Variants in ADORA2B observed in about 807,000 individuals in gnomAD.
The protein encoded by ADORA2B is adenosine A2b receptor.
Under a neutral mutation model 20.8 loss-of-function variants are expected in ADORA2B, and 18 were observed. That is an observed-to-expected ratio of 0.87 (90% CI 0.60 to 1.29). The LOEUF (loss-of-function observed/expected upper bound fraction) is 1.29, where lower values mean the gene tolerates loss of function less well. Among genes scored for constraint, ADORA2B ranks in the 50% most tolerant of loss-of-function variants. The probability of loss-of-function intolerance (pLI) is 0.00; values close to 1 mark genes in which losing one functional copy is unlikely to be tolerated. For missense variants in ADORA2B, 441 were observed against 422.7 expected (o/e 1.04, Z -0.38); for synonymous variants, 179 against 178.3 (o/e 1.00, Z -0.03).
chr17:15,941,412 C>A (rs1027912454), upstream of ADORA2B, among the ~76,000 whole-genome samples: 3 of 152,310 alleles, frequency 2.0e-5, no homozygotes, highest in Non-Finnish European at 2.9e-5. Flanking sequence ...CTGGGCTCTG[C>A]TCCCTGCACA....
chr17:15,889,833 G>A, the ADORA2B span, among the ~76,000 whole-genome samples: 1 of 129,776 alleles, frequency 7.7e-6, no homozygotes, highest in Non-Finnish European at 1.6e-5. Context: ...GGGAGGTAGA[G>A]GATGCAGTGA....
chr17:15,923,656 T>G, the ADORA2B span, among the ~76,000 whole-genome samples: 1 of 152,050 alleles, frequency 6.6e-6, no homozygotes, highest in Admixed American at 6.6e-5. Flanking sequence ...TCCACGCGCT[T>G]CGGCCTCCCA....
At chr17:15,971,628 CA>C (rs1212775586) in intron 1 of ADORA2B, among the ~76,000 whole-genome samples, 6 of 123,110 alleles carry the variant, frequency 4.9e-5, no homozygotes, top group African/African-American at 1.9e-4. Context: ...TTGTAATGGC[CA>C]TTTTTTTTTT....
chr17:15,923,206 A>ATTTTTTTTTTTTT, the ADORA2B span, among the ~76,000 whole-genome samples: 321 of 113,344 alleles, frequency 2.8e-3, 1 homozygote, highest in Non-Finnish European at 3.3e-3. Flanking sequence ...TCTTTTTTTA[A>ATTTTTTTTTTTTT]TTTTTTTTTT....
At chr17:15,913,722 T>C in the ADORA2B span, among the ~76,000 whole-genome samples, 2 of 152,234 alleles carry the variant, frequency 1.3e-5, no homozygotes, top group Non-Finnish European at 2.9e-5. Flanking sequence ...ATAAAAAAAT[T>C]TGGCCTGGAC....
the ADORA2B span, among the ~76,000 whole-genome samples, chr17:15,911,586 A>C: frequency 2.6e-4 from 40 of 152,194 alleles, no homozygotes; most frequent in Non-Finnish European, 3.8e-4. Context: ...TGATTACTTT[A>C]GCCAAACTCA....
Position 15,975,027 on chromosome 17 carries a change from G to A in ADORA2B, c.684G>A (p.Arg228=), listed in dbSNP as rs773357119. ...ACCACTCGAGGACCACCCTCCAGCG[G>A]GAGATCCATGCAGCCAAGTCACTGG... ...LMDHSRTTLQ[R]EIHAAKSLAM... The change falls in exon 2 of 2, where the codon CGG becomes CGA. Residue 228 remains arginine (R), a synonymous_variant. Coordinates refer to ENST00000304222, the MANE Select transcript of ADORA2B (RefSeq NM_000676.4). 2 of 1,614,166 alleles carry A rather than the reference G, an allele frequency of 1.2e-6. No individual in the cohort carries two copies. Among genetic ancestry groups the A allele is most frequent in the Non-Finnish European group, 1.7e-6 (2 of 1,180,040 alleles).
rs2151590242 is a variant in ADORA2B at position 15,945,223 on chromosome 17, G to A, written c.-26G>A. On this transcript the variant is annotated 5_prime_UTR_variant, in exon 1 of 2. Transcript: ENST00000304222. ...TCGCCCGGCGCGCCTTCGGTAGGGG[G>A]CGCCCGGGGCCCAGCTGGCCCGGCC... 4 of 1,385,006 alleles carry A rather than the reference G, an allele frequency of 2.9e-6. No individual in the cohort carries two copies. Among genetic ancestry groups the A allele is most frequent in the East Asian group, 5.9e-5 (2 of 33,680 alleles). 85.8% of individuals were successfully genotyped at this position (1,385,006 alleles called of 1,614,324 possible). A position where few individuals can be genotyped will look rare whatever the true frequency, so the allele number is the denominator to read the frequency against.
At chr17:15,952,541 G>C (rs915902428) in intron 1 of ADORA2B, among the ~76,000 whole-genome samples, 1 of 151,776 alleles carries the variant, frequency 6.6e-6, no homozygotes, top group African/African-American at 2.4e-5. Context: ...TGCACACCCC[G>C]AGGTCACCCC....
At chr17:15,944,852 C>T (rs1298980390), upstream of ADORA2B, 1 of 156,466 alleles carries the variant, frequency 6.4e-6, no homozygotes, top group African/African-American at 2.4e-5. This position sits in a 1 kb window ranked among gnomAD's most constrained non-coding sequence, Gnocchi z 4.8. Flanking sequence ...CCAGGAGTCG[C>T]CCGGACTGGA....
chr17:15,866,761 C>T, the ADORA2B span, among the ~76,000 whole-genome samples: 2 of 150,334 alleles, frequency 1.3e-5, no homozygotes, highest in Non-Finnish European at 2.9e-5. Context: ...GCCTCTCTTT[C>T]CACAGTCTCC....
At chr17:15,970,448 A>G (rs1232897545) in intron 1 of ADORA2B, among the ~76,000 whole-genome samples, 1 of 152,234 alleles carries the variant, frequency 6.6e-6, no homozygotes, top group East Asian at 1.9e-4. Flanking sequence ...ACCCCTATGA[A>G]TGAGCCTCTA....
the ADORA2B span, among the ~76,000 whole-genome samples, chr17:15,869,737 T>C: frequency 1.3e-5 from 2 of 152,200 alleles, no homozygotes; most frequent in Non-Finnish European, 2.9e-5. Context: ...CAGTTAGTTA[T>C]TCCTAAACTG....
chr17:15,927,070 G>A, the ADORA2B span, among the ~76,000 whole-genome samples: 1 of 152,190 alleles, frequency 6.6e-6, no homozygotes, highest in Non-Finnish European at 1.5e-5. Flanking sequence ...TAATAGGCTG[G>A]GCACGGTGAC....
chr17:15,912,666 C>T, the ADORA2B span, among the ~76,000 whole-genome samples: 1 of 152,218 alleles, frequency 6.6e-6, no homozygotes, highest in Non-Finnish European at 1.5e-5. Context: ...CAGCTGTCTT[C>T]AGCTGCTCAG....
At chr17:15,936,313 A>T in the ADORA2B span, among the ~76,000 whole-genome samples, 1 of 151,232 alleles carries the variant, frequency 6.6e-6, no homozygotes, top group Admixed American at 6.6e-5. Context: ...TTATTTATTT[A>T]TTTATTTTTA....
At chr17:15,933,475 C>T in the ADORA2B span, among the ~76,000 whole-genome samples, 5 of 152,106 alleles carry the variant, frequency 3.3e-5, no homozygotes, top group East Asian at 9.7e-4. Context: ...AAATTTATTT[C>T]AATTATGTTT....
the ADORA2B span, among the ~76,000 whole-genome samples, chr17:15,931,378 G>T: frequency 6.6e-6 from 1 of 152,236 alleles, no homozygotes; most frequent in Non-Finnish European, 1.5e-5. Context: ...CATGTGTGAA[G>T]TGAGATCTGA....
At position 15,974,385 on chromosome 17, in the gene ADORA2B, T is replaced by C. The variant is rs73978573; in HGVS notation, c.336-294T>C. On this transcript the variant is annotated intron_variant, in intron 1 of 1. Coordinates refer to ENST00000304222, the MANE Select transcript of ADORA2B (RefSeq NM_000676.4). ...ACAGTTTGAGAACCCACCGAGGACATTGAGGACTTACAGTACTCCCTTAAG... is the reference window on the plus strand; with the variant it reads ...ACAGTTTGAGAACCCACCGAGGACACTGAGGACTTACAGTACTCCCTTAAG... 6.0e-3 allele frequency: 1,920 copies of C among 319,996 alleles called. 18 individuals are homozygous for C. Among genetic ancestry groups the C allele is most frequent in the African/African-American group, 0.028 (1,361 of 47,772 alleles). 19.8% of individuals were successfully genotyped at this position (319,996 alleles called of 1,614,324 possible). A position where few individuals can be genotyped will look rare whatever the true frequency, so the allele number is the denominator to read the frequency against.
Sources: gnomAD v4.1 joint callset for allele counts (sites outside exome capture counted in the v4.1 genomes callset) on GRCh38, gnomAD v4.1.1 for gene constraint, Gnocchi (gnomAD v3.1) non-coding constraint, MANE v1.5 for transcripts, NCBI Gene and HGNC (gene_info 2026-07-23, HGNC 2026-07-21) for gene names.